Variants in CIMIP4 observed in about 807,000 individuals in gnomAD.
The protein encoded by CIMIP4 is ciliary microtubule inner protein 4.
chr22:37,001,961 C>G, the CIMIP4 span: 16 of 1,613,838 alleles, frequency 9.9e-6, no homozygotes, highest in Non-Finnish European at 1.3e-5. Context: ...CAAGCTGGGA[C>G]CGTCATCCGT....
chr22:37,004,087 A>T, the CIMIP4 span: 1 of 1,455,146 alleles, frequency 6.9e-7, no homozygotes, highest in South Asian at 1.3e-5. Context: ...GTGAACAAGG[A>T]TGAGCTGGGA....
the CIMIP4 span, among the ~76,000 whole-genome samples, chr22:36,992,179 T>C: frequency 6.6e-6 from 1 of 152,132 alleles, no homozygotes; most frequent in Non-Finnish European, 1.5e-5. Context: ...AAACCCCGTC[T>C]CTACTAAAAA....
At chr22:36,991,835 G>A in the CIMIP4 span, among the ~76,000 whole-genome samples, 1,032 of 148,652 alleles carry the variant, frequency 6.9e-3, 14 homozygotes, top group African/African-American at 0.025. Context: ...CAAGAAATGA[G>A]ATTTTTTTGC....
At chr22:37,001,098 C>A in the CIMIP4 span, among the ~76,000 whole-genome samples, 557 of 152,088 alleles carry the variant, frequency 3.7e-3, 3 homozygotes, top group African/African-American at 0.013. Flanking sequence ...AATGCCAGGA[C>A]AGAAAGAACA....
At chr22:37,004,447 C>T in the CIMIP4 span, among the ~76,000 whole-genome samples, 1 of 152,198 alleles carries the variant, frequency 6.6e-6, no homozygotes, top group African/African-American at 2.4e-5. Context: ...CCCATTGCCC[C>T]GGCTCCCATC....
chr22:36,991,375 C>A, the CIMIP4 span: 1 of 1,554,304 alleles, frequency 6.4e-7, no homozygotes. Context: ...TCCAAGTCCA[C>A]CCCGGCTCTG....
chr22:36,992,170 A>C, the CIMIP4 span, among the ~76,000 whole-genome samples: 1 of 152,158 alleles, frequency 6.6e-6, no homozygotes, highest in Non-Finnish European at 1.5e-5. Flanking sequence ...AACATGGTGA[A>C]ACCCCGTCTC....
the CIMIP4 span, among the ~76,000 whole-genome samples, chr22:36,997,235 G>T: frequency 1.3e-5 from 2 of 152,202 alleles, no homozygotes. Flanking sequence ...GGATTAAAGA[G>T]TTAAATGTGA....
At chr22:36,991,679 CG>C in the CIMIP4 span, 7 of 1,098,374 alleles carry the variant, frequency 6.4e-6, no homozygotes, top group Non-Finnish European at 9.7e-6. Context: ...GTTTCCTCTA[CG>C]GATGGTAAAT....
the CIMIP4 span, among the ~76,000 whole-genome samples, chr22:36,997,915 C>G: frequency 5.3e-5 from 8 of 152,308 alleles, no homozygotes; most frequent in South Asian, 1.0e-3. Flanking sequence ...TGGATGGGCA[C>G]ACTGACAGCA....
the CIMIP4 span, among the ~76,000 whole-genome samples, chr22:37,007,078 C>A: frequency 6.6e-6 from 1 of 152,286 alleles, no homozygotes; most frequent in East Asian, 1.9e-4. Context: ...ACTAGAGACC[C>A]AAGCAACACC....
At chr22:36,994,063 A>G in the CIMIP4 span, among the ~76,000 whole-genome samples, 1 of 152,204 alleles carries the variant, frequency 6.6e-6, no homozygotes. Context: ...AACAATTGCA[A>G]TTCATTAAGG....
chr22:37,001,713 G>T, the CIMIP4 span: 3 of 1,019,118 alleles, frequency 2.9e-6, no homozygotes, highest in Non-Finnish European at 4.2e-6. Context: ...TTGGCACACA[G>T]CAGATGCTCA....
the CIMIP4 span, chr22:36,991,432 C>T: frequency 4.4e-6 from 7 of 1,590,152 alleles, no homozygotes; most frequent in African/African-American, 9.4e-5. Flanking sequence ...ACACACCCTG[C>T]TGGTGGAGGA....
chr22:37,007,536 C>T, the CIMIP4 span: 1 of 152,352 alleles, frequency 6.6e-6, no homozygotes, highest in East Asian at 1.9e-4. Context: ...TCTGGACGGG[C>T]TACAATGGAA....
the CIMIP4 span, among the ~76,000 whole-genome samples, chr22:36,994,604 T>C: frequency 6.7e-6 from 1 of 149,298 alleles, no homozygotes; most frequent in Non-Finnish European, 1.5e-5. Flanking sequence ...CTTGACCTTG[T>C]GATCTGCCTG....
chr22:36,997,575 A>G, the CIMIP4 span, among the ~76,000 whole-genome samples: 1 of 152,198 alleles, frequency 6.6e-6, no homozygotes, highest in African/African-American at 2.4e-5. Flanking sequence ...CCCAGCTTCC[A>G]ACACCAAGCC....
chr22:37,000,523 G>A, the CIMIP4 span, among the ~76,000 whole-genome samples: 1 of 152,182 alleles, frequency 6.6e-6, no homozygotes, highest in Non-Finnish European at 1.5e-5. Context: ...CTAGGTTTGA[G>A]TTCCAGTTCT....
chr22:36,995,713 T>C, the CIMIP4 span, among the ~76,000 whole-genome samples: 41 of 152,300 alleles, frequency 2.7e-4, no homozygotes, highest in South Asian at 8.3e-3. Flanking sequence ...AGGGGAAACT[T>C]CTTTCACTTG....
Sources: gnomAD v4.1 joint callset for allele counts (sites outside exome capture counted in the v4.1 genomes callset) on GRCh38, gnomAD v4.1.1 for gene constraint, MANE v1.5 for transcripts, NCBI Gene and HGNC (gene_info 2026-07-23, HGNC 2026-07-21) for gene names.